Variants in HS3ST5 observed in about 807,000 individuals in gnomAD.
The protein encoded by HS3ST5 is heparan sulfate-glucosamine 3-sulfotransferase 5.
A neutral mutation model predicts 25.4 loss-of-function variants in HS3ST5; 10 were observed. The observed-to-expected ratio is 0.39, with a 90% CI of 0.24 to 0.67. HS3ST5 has a LOEUF of 0.67. Ranked by LOEUF, HS3ST5 falls within the 30% of genes least tolerant of loss-of-function variation. The pLI, the probability that HS3ST5 is intolerant of heterozygous loss-of-function variation, is 0.44. For missense variants in HS3ST5, 324 were observed against 420.7 expected (o/e 0.77, Z 2.01); for synonymous variants, 170 against 162.4 (o/e 1.05, Z -0.36).
At chr6:114,179,656 T>G (rs1326811874) in intron 2 of HS3ST5, among the ~76,000 whole-genome samples, 2 of 1,134 alleles carry the variant, frequency 1.8e-3, no homozygotes, top group Non-Finnish European at 3.3e-3. Context: ...TAGTCAGGGT[T>G]TTTTTTTTTT....
At chr6:114,303,064 A>T (rs1775145022) in intron 1 of HS3ST5, among the ~76,000 whole-genome samples, 1 of 152,182 alleles carries the variant, frequency 6.6e-6, no homozygotes, top group East Asian at 1.9e-4. Context: ...TTTAAAATCC[A>T]TGACGGAGAC....
intron 3 of HS3ST5, chr6:114,084,201 A>G: frequency 1.8e-6 from 2 of 1,084,982 alleles, no homozygotes; most frequent in East Asian, 4.7e-5. Context: ...CTATCCATTC[A>G]GTGGCCTGAG....
chr6:114,248,218 ATAT>A (rs1276700737), intron 1 of HS3ST5, among the ~76,000 whole-genome samples: 8 of 99,890 alleles, frequency 8.0e-5, no homozygotes, highest in East Asian at 3.5e-4. Context: ...GAAAAAAAAA[ATAT>A]ATATATATAT....
chr6:114,057,599 G>A lies in HS3ST5; in HGVS notation c.699C>T (p.Ile233=). 6.2e-7 allele frequency: 1 copy of A among 1,614,168 alleles called. No homozygotes were observed. The highest frequency in any genetic ancestry group is 1.1e-5 in the South Asian group (1 of 91,082). The change falls in exon 5 of 5, where the codon ATC becomes ATT. Residue 233 remains isoleucine, a synonymous_variant. Coordinates refer to ENST00000312719, the MANE Select transcript of HS3ST5 (RefSeq NM_153612.4). ...NTKYKAVRTS[I]YTKHLERWLK... is the part of the protein sequence containing the mutation. Reference sequence around the variant, plus strand: ...ACCACCTTTCCAGATGTTTGGTGTAGATGCTGGTTCTTACTGCTTTGTATT... The same window carrying A: ...ACCACCTTTCCAGATGTTTGGTGTAAATGCTGGTTCTTACTGCTTTGTATT...
chr6:114,124,371 C>G (rs1477616877), intron 3 of HS3ST5, among the ~76,000 whole-genome samples: 1 of 152,166 alleles, frequency 6.6e-6, no homozygotes, highest in Non-Finnish European at 1.5e-5. Flanking sequence ...ACTCCCAAGG[C>G]AGCTTATCAA....
In HS3ST5 at chr6:114,082,998, C is replaced by T. The variant is rs1233232035; in HGVS notation, c.-32-20121G>A. 2.6e-5 allele frequency among the ~76,000 whole-genome samples: 4 copies of T among 152,328 alleles called. 1 individual carries two copies. The South Asian group carries it at 8.3e-4, about 32-fold the overall frequency. ...CTCACCATTGCTCCATCTGTAAGGG[C>T]ACACCCTTCTATAGAAGTACATTGC... On this transcript the variant is annotated intron_variant, in intron 3 of 4. Coordinates refer to ENST00000312719, the MANE Select transcript of HS3ST5 (RefSeq NM_153612.4).
chr6:114,080,087 T>G (rs902528071), intron 3 of HS3ST5, among the ~76,000 whole-genome samples: 9 of 152,348 alleles, frequency 5.9e-5, no homozygotes, highest in Middle Eastern at 3.4e-3. Flanking sequence ...TGCAATGTAC[T>G]TCTTAAATAA....
chr6:114,241,287 A>G (rs78005285), intron 1 of HS3ST5, among the ~76,000 whole-genome samples: 10,837 of 152,202 alleles, frequency 0.071, 410 homozygotes, highest in South Asian at 0.14. Flanking sequence ...GGAAAAGTCA[A>G]AACTTTCTCT....
intron 1 of HS3ST5, among the ~76,000 whole-genome samples, chr6:114,328,217 GGAAGGAAA>G (rs1267134864): frequency 2.0e-5 from 3 of 150,174 alleles, no homozygotes; most frequent in South Asian, 2.1e-4. Flanking sequence ...AGTGAAAAAA[GGAAGGAAA>G]GAAGGAAAGA....
intron 2 of HS3ST5, among the ~76,000 whole-genome samples, chr6:114,194,241 C>T (rs1326335444): frequency 2.0e-5 from 3 of 152,124 alleles, no homozygotes; most frequent in African/African-American, 7.2e-5. Flanking sequence ...AATTAATTTC[C>T]TAAAAGCTAG....
intron 1 of HS3ST5, among the ~76,000 whole-genome samples, chr6:114,259,544 GAC>G (rs1773076312): frequency 6.6e-6 from 1 of 152,182 alleles, no homozygotes; most frequent in South Asian, 2.1e-4. Context: ...CAAACGAGAG[GAC>G]ACGTGTACCC....
At chr6:114,205,774 C>T (rs2114399687) in intron 2 of HS3ST5, among the ~76,000 whole-genome samples, 1 of 152,224 alleles carries the variant, frequency 6.6e-6, no homozygotes, top group Admixed American at 6.5e-5. Flanking sequence ...GATCATCAGG[C>T]ATTAGATTCT....
At chr6:114,287,045 T>TGTA (rs1196151807) in intron 1 of HS3ST5, among the ~76,000 whole-genome samples, 1 of 151,946 alleles carries the variant, frequency 6.6e-6, no homozygotes, top group African/African-American at 2.4e-5. Flanking sequence ...TATAAATTAG[T>TGTA]GTACTCGCCT....
chr6:114,092,725 G>T (rs1245603316), intron 3 of HS3ST5, among the ~76,000 whole-genome samples: 1 of 150,510 alleles, frequency 6.6e-6, no homozygotes, highest in Non-Finnish European at 1.5e-5. Context: ...GCCCAGGCTG[G>T]AGTGCAATGG....
At chr6:114,269,188 C>A (rs1486613267) in intron 1 of HS3ST5, among the ~76,000 whole-genome samples, 1 of 152,186 alleles carries the variant, frequency 6.6e-6, no homozygotes, top group African/African-American at 2.4e-5. Context: ...CATATAACCC[C>A]ACAATCCTGT....
intron 1 of HS3ST5, among the ~76,000 whole-genome samples, chr6:114,325,140 G>C (rs1776122832): frequency 6.6e-6 from 1 of 152,154 alleles, no homozygotes; most frequent in Non-Finnish European, 1.5e-5. Flanking sequence ...ATGAGCAGAG[G>C]ATTTGTTTAT....
intron 1 of HS3ST5, among the ~76,000 whole-genome samples, chr6:114,335,809 A>T (rs1398558887): frequency 6.6e-6 from 1 of 152,000 alleles, no homozygotes; most frequent in Non-Finnish European, 1.5e-5. Context: ...ATGCACCACC[A>T]TGCCCAGCTA....
intron 3 of HS3ST5, among the ~76,000 whole-genome samples, chr6:114,097,751 T>C (rs1775513831): frequency 6.6e-6 from 1 of 151,914 alleles, no homozygotes; most frequent in African/African-American, 2.4e-5. Context: ...TTCTTTCCTT[T>C]TTTAAAAAAA....
chr6:114,340,252 G>C (rs1776771747), intron 1 of HS3ST5, among the ~76,000 whole-genome samples: 1 of 152,096 alleles, frequency 6.6e-6, no homozygotes, highest in African/African-American at 2.4e-5. Flanking sequence ...CAGGATCCCA[G>C]TACTTGCTGT....
Sources: gnomAD v4.1 joint callset for allele counts (sites outside exome capture counted in the v4.1 genomes callset) on GRCh38, gnomAD v4.1.1 for gene constraint, MANE v1.5 for transcripts, NCBI Gene and HGNC (gene_info 2026-07-23, HGNC 2026-07-21) for gene names.